Variants in USP6NL observed in about 807,000 individuals in gnomAD.
USP6NL encodes USP6 N-terminal-like protein.
USP6NL carries 26 observed loss-of-function variants against 61.9 expected under a neutral mutation model. The ratio of observed to expected loss-of-function variants is 0.42; its 90% CI spans 0.31 to 0.58. The LOEUF (loss-of-function observed/expected upper bound fraction) is 0.58. Among genes scored for constraint, USP6NL ranks in the 20% least tolerant of loss-of-function variants. The pLI, the probability that USP6NL is intolerant of heterozygous loss-of-function variation, is 0.16. For synonymous variants in USP6NL, 432 were observed against 390.1 expected, an observed-to-expected ratio of 1.11 and a Z score of -1.27; for missense variants, 1,114 against 1,034.3, an observed-to-expected ratio of 1.08 and a Z score of -1.06.
At chr10:11,541,761 G>A (rs1026752214) in intron 2 of USP6NL, among the ~76,000 whole-genome samples, 1 of 152,062 alleles carries the variant, frequency 6.6e-6, no homozygotes, top group South Asian at 2.1e-4. Context: ...CCAATATCAA[G>A]CAATAAATCA....
At chr10:11,593,717 G>T (rs530546978) in intron 2 of USP6NL, among the ~76,000 whole-genome samples, 14 of 152,108 alleles carry the variant, frequency 9.2e-5, no homozygotes, top group Non-Finnish European at 1.8e-4. Flanking sequence ...CAGAATAAAA[G>T]CGGAAAAACA....
rs533790610 is a variant in USP6NL at position 11,470,436 on chromosome 10, A to G, written c.1079-6587T>C. ...TTACAGAGGCGGTTCCTTTCTAGAG[A>G]TTAATTATTCAACCTCCACTGAACT... On this transcript the variant is annotated intron_variant, in intron 14 of 14. Coordinates refer to ENST00000609104, the MANE Select transcript of USP6NL (RefSeq NM_014688.5). This position sits in a 1 kb window ranked among gnomAD's most constrained non-coding sequence, Gnocchi z 5.4. Among the ~76,000 whole-genome samples, 12 of 152,308 alleles carry G rather than the reference A, an allele frequency of 7.9e-5. No individual in the cohort carries two copies. The highest frequency in any genetic ancestry group is 1.8e-4 in the Non-Finnish European group (12 of 68,020).
intron 7 of USP6NL, among the ~76,000 whole-genome samples, chr10:11,493,969 G>T (rs935977897): frequency 4.6e-5 from 7 of 152,216 alleles, no homozygotes; most frequent in Non-Finnish European, 2.9e-5. Context: ...TTTCTCCCAT[G>T]CTGGGCCCCC....
At position 11,537,256 on chromosome 10, in the gene USP6NL, C is replaced by T. The variant is rs1835869458; in HGVS notation, c.5-9689G>A. ...AGTCCTAAGTAGCTGGGACTACAGG[C>T]GCATGCTACCCTGTCTAGCTAATAC... On this transcript the variant is annotated intron_variant, in intron 2 of 14. Transcript: ENST00000609104. This position sits in a 1 kb window ranked among gnomAD's most constrained non-coding sequence, Gnocchi z 5.1. Among the ~76,000 whole-genome samples, 3 of 152,100 alleles carry T rather than the reference C, an allele frequency of 2.0e-5. No homozygotes were observed. The highest frequency in any genetic ancestry group is 4.8e-5 in the African/African-American group (2 of 41,402).
rs1833515363 is a variant in USP6NL, at chr10:11,487,395, TTAGGA to T, written c.665-1489_665-1485del. 6.6e-6 allele frequency among the ~76,000 whole-genome samples: 1 copy of T among 152,190 alleles called. No individual in the cohort carries two copies. The highest frequency in any genetic ancestry group is 2.4e-5 in the African/African-American group (1 of 41,432). On this transcript the variant is annotated intron_variant, in intron 10 of 14. Coordinates refer to ENST00000609104, the MANE Select transcript of USP6NL (RefSeq NM_014688.5). This position sits in a 1 kb window ranked among gnomAD's most constrained non-coding sequence, Gnocchi z 4.2. ...ATGAGCCAAACTACATTCTAAGTAG[TTAGGA>T]TAGTAGAATTAATATTGTTTTATAG...
At position 11,537,820 on chromosome 10, in the gene USP6NL, A is replaced by G. The variant is rs1489732556; in HGVS notation, c.5-10253T>C. On this transcript the variant is annotated intron_variant, in intron 2 of 14. Coordinates refer to ENST00000609104, the MANE Select transcript of USP6NL (RefSeq NM_014688.5). This position sits in a 1 kb window ranked among gnomAD's most constrained non-coding sequence, Gnocchi z 5.1. ...TCTGGGTGTGCCCACTTGTAATGCT[A>G]TTGCCCAAATGATTTCCCTTCCCGT... 1.3e-5 allele frequency among the ~76,000 whole-genome samples: 2 copies of G among 152,132 alleles called. No homozygotes were observed. The highest frequency in any genetic ancestry group is 2.9e-5 in the Non-Finnish European group (2 of 68,024).
At chr10:11,480,058 G>C (rs1833134451) in intron 14 of USP6NL, among the ~76,000 whole-genome samples, 1 of 152,212 alleles carries the variant, frequency 6.6e-6, no homozygotes, top group African/African-American at 2.4e-5. Context: ...TTCACTGCCA[G>C]TATGATCAGA....
In USP6NL at chr10:11,585,586, C is replaced by G. The variant is rs72777671; in HGVS notation, c.4+12045G>C. Among the ~76,000 whole-genome samples the G allele has an allele frequency of 2.0e-5, 3 of 152,012 alleles. No individual in the cohort carries two copies. The highest frequency in any genetic ancestry group is 2.9e-5 in the Non-Finnish European group (2 of 67,996). ...CTGAGGAACGGGAATGGCGCGAACC[C>G]GGGATGCGGAGCTTTCAGTGAGCCG... is the stretch of plus-strand genomic sequence containing the variant. On this transcript the variant is annotated intron_variant, in intron 2 of 14. Transcript: ENST00000609104. This position sits in a 1 kb window ranked among gnomAD's most constrained non-coding sequence, Gnocchi z 4.5.
chr10:11,592,272 C>A lies in USP6NL; in HGVS notation c.4+5359G>T, dbSNP rs754000775. Among the ~76,000 whole-genome samples the A allele has an allele frequency of 6.6e-6, 1 of 152,122 alleles. No individual in the cohort carries two copies. The highest frequency in any genetic ancestry group is 1.5e-5 in the Non-Finnish European group (1 of 68,014). On this transcript the variant is annotated intron_variant, in intron 2 of 14. Coordinates refer to ENST00000609104, the MANE Select transcript of USP6NL (RefSeq NM_014688.5). The surrounding 1 kb of genome is among the most constrained non-coding windows in gnomAD (Gnocchi z 4.7). ...AAATAGTGTTAATAACAACGAAGTA[C>A]ACTAAACTAAGAAAGTAATCACACA...
rs1835364230 is a variant in USP6NL, at chr10:11,525,070, G to A, written c.155+316C>T. 6.6e-6 allele frequency among the ~76,000 whole-genome samples: 1 copy of A among 152,138 alleles called. No individual in the cohort carries two copies. Among genetic ancestry groups the A allele is most frequent in the African/African-American group, 2.4e-5 (1 of 41,426 alleles). On this transcript the variant is annotated intron_variant, in intron 4 of 14. Transcript: ENST00000609104. The surrounding 1 kb of genome is among the most constrained non-coding windows in gnomAD (Gnocchi z 5.0). ...TTTATTTTTAAAATGCGCTGGTACA[G>A]AATGAAATGTTTTATAATTATTTTT...
intron 14 of USP6NL, among the ~76,000 whole-genome samples, chr10:11,472,324 T>G (rs1200858466): frequency 1.3e-5 from 2 of 152,238 alleles, no homozygotes; most frequent in East Asian, 3.8e-4. Flanking sequence ...TACTCTGGTC[T>G]CTGTCACCCC....
At chr10:11,480,836 C>G (rs920081084) in intron 14 of USP6NL, among the ~76,000 whole-genome samples, 1 of 152,146 alleles carries the variant, frequency 6.6e-6, no homozygotes, top group Non-Finnish European at 1.5e-5. Context: ...TGCCCATGAC[C>G]TTCCACTTCC....
chr10:11,546,386 G>A (rs1422669114), intron 2 of USP6NL, among the ~76,000 whole-genome samples: 2 of 152,148 alleles, frequency 1.3e-5, no homozygotes, highest in African/African-American at 4.8e-5. Flanking sequence ...TTATAAATAA[G>A]AGACAATTTG....
intron 2 of USP6NL, among the ~76,000 whole-genome samples, chr10:11,580,984 T>C (rs999345824): frequency 2.0e-5 from 3 of 152,306 alleles, no homozygotes; most frequent in East Asian, 3.9e-4. Context: ...CTGGTATAAT[T>C]CTAAAGCAAA....
chr10:11,601,983 A>T (rs980221528), intron 1 of USP6NL, among the ~76,000 whole-genome samples: 3 of 152,022 alleles, frequency 2.0e-5, no homozygotes, highest in Non-Finnish European at 4.4e-5. Flanking sequence ...CCTACCCCCT[A>T]AAAAAGAAAG....
intron 2 of USP6NL, among the ~76,000 whole-genome samples, chr10:11,586,957 G>C (rs1237274702): frequency 6.6e-6 from 1 of 152,058 alleles, no homozygotes; most frequent in East Asian, 1.9e-4. Flanking sequence ...CAGCTGGAAG[G>C]TTTCCTTAAA....
intron 2 of USP6NL, among the ~76,000 whole-genome samples, chr10:11,529,438 A>C (rs117602851): frequency 0.016 from 2,454 of 152,374 alleles, 33 homozygotes; most frequent in Non-Finnish European, 0.026. Context: ...TATGCCAATG[A>C]GATCATCAAA....
chr10:11,540,848 G>A lies in USP6NL; in HGVS notation c.5-13281C>T, dbSNP rs1836019461. On this transcript the variant is annotated intron_variant, in intron 2 of 14. Transcript: ENST00000609104. The surrounding 1 kb of genome is among the most constrained non-coding windows in gnomAD (Gnocchi z 5.0). Reference sequence around the variant, plus strand: ...GAAGAACTATGTTATCATCCTTTGAGTTATGTAAGTATTACTGGGTCCCTG... The same window carrying A: ...GAAGAACTATGTTATCATCCTTTGAATTATGTAAGTATTACTGGGTCCCTG... Among the ~76,000 whole-genome samples the A allele has an allele frequency of 6.6e-6, 1 of 152,126 alleles. No homozygotes were observed. The highest frequency in any genetic ancestry group is 2.1e-4 in the South Asian group (1 of 4,828).
chr10:11,541,230 C>CAT (rs71378797), intron 2 of USP6NL, among the ~76,000 whole-genome samples: 1,435 of 42,988 alleles, frequency 0.033, 46 homozygotes, highest in Non-Finnish European at 0.045. Flanking sequence ...TCAATAGTGC[C>CAT]ATATATATAT....
Sources: allele counts gnomAD v4.1 joint callset (sites outside exome capture counted in the v4.1 genomes callset), GRCh38; gene constraint gnomAD v4.1.1; non-coding constraint Gnocchi (gnomAD v3.1); transcripts MANE v1.5; gene names NCBI Gene and HGNC (gene_info 2026-07-23, HGNC 2026-07-21).